The following SEMA6D variants were observed in gnomAD, a reference collection of about 807,000 sequenced individuals.
SEMA6D encodes the protein semaphorin 6D, also known as semaphorin-6D.
SEMA6D carries 35 observed loss-of-function variants against 106.6 expected under a neutral mutation model. That is an observed-to-expected ratio of 0.33 (90% CI 0.25 to 0.44). The LOEUF (loss-of-function observed/expected upper bound fraction) is 0.44, where lower values mean the gene tolerates loss of function less well. Ranked by LOEUF, SEMA6D falls within the 20% of genes least tolerant of loss-of-function variation. The pLI is 1.00. For missense variants in SEMA6D, 1,185 were observed against 1,345.9 expected (o/e 0.88, Z 1.87); for synonymous variants, 499 against 487.7 (o/e 1.02, Z -0.31).
intron 1 of SEMA6D, among the ~76,000 whole-genome samples, chr15:47,289,393 CAAAAAAAAAA>C (rs746946975): frequency 1.1e-4 from 5 of 46,544 alleles, no homozygotes; most frequent in East Asian, 5.7e-4. Flanking sequence ...AACTCCATCT[CAAAAAAAAAA>C]AAAAAAAAAA....
chr15:47,249,604 A>G (rs954964887), intron 1 of SEMA6D, among the ~76,000 whole-genome samples: 17 of 152,082 alleles, frequency 1.1e-4, no homozygotes, highest in African/African-American at 4.1e-4. Flanking sequence ...GCACAGGGGT[A>G]GGCTGTGGAC....
intron 1 of SEMA6D, among the ~76,000 whole-genome samples, chr15:47,322,535 T>C (rs1311654374): frequency 6.6e-6 from 1 of 152,190 alleles, no homozygotes; most frequent in Non-Finnish European, 1.5e-5. Flanking sequence ...GAAGTAATGT[T>C]GCAGTCTTCT....
At chr15:47,409,657 G>A (rs1047953619) in intron 1 of SEMA6D, among the ~76,000 whole-genome samples, 34 of 152,102 alleles carry the variant, frequency 2.2e-4, no homozygotes, top group African/African-American at 7.2e-4. Flanking sequence ...TTTCATAGAT[G>A]AGAAAACTGA....
chr15:47,485,446 G>C (rs188334138), intron 3 of SEMA6D, among the ~76,000 whole-genome samples: 1 of 151,920 alleles, frequency 6.6e-6, no homozygotes, highest in Non-Finnish European at 1.5e-5. Flanking sequence ...AAAAAATGAA[G>C]ATCACCAGGA....
chr15:47,364,315 A>T (rs1376026856), intron 1 of SEMA6D, among the ~76,000 whole-genome samples: 1 of 152,222 alleles, frequency 6.6e-6, no homozygotes, highest in Non-Finnish European at 1.5e-5. Context: ...CATGAGCAGC[A>T]GGAGCTCAGC....
intron 1 of SEMA6D, among the ~76,000 whole-genome samples, chr15:47,356,316 G>C (rs1374956407): frequency 6.6e-6 from 1 of 152,172 alleles, no homozygotes; most frequent in African/African-American, 2.4e-5. Flanking sequence ...GAGCTCTCCT[G>C]TCTCCAGAAA....
intron 2 of SEMA6D, among the ~76,000 whole-genome samples, chr15:47,437,817 C>T (rs1424694432): frequency 2.0e-5 from 3 of 152,090 alleles, no homozygotes; most frequent in Non-Finnish European, 4.4e-5. Context: ...CTCTCTCTCT[C>T]ATGTTTGTCT....
chr15:47,584,273 A>C (rs1268887968), intron 3 of SEMA6D, among the ~76,000 whole-genome samples: 2 of 152,186 alleles, frequency 1.3e-5, no homozygotes, highest in East Asian at 3.9e-4. Flanking sequence ...AAATGCAAAA[A>C]TTAGCCAGGC....
chr15:47,563,344 C>T (rs1234740412), intron 3 of SEMA6D, among the ~76,000 whole-genome samples: 3 of 152,106 alleles, frequency 2.0e-5, no homozygotes, highest in Non-Finnish European at 4.4e-5. Flanking sequence ...TTCAAGAAAA[C>T]AATTTGAAGA....
chr15:47,273,555 T>A (rs2034659113), intron 1 of SEMA6D, among the ~76,000 whole-genome samples: 1 of 152,196 alleles, frequency 6.6e-6, no homozygotes, highest in Non-Finnish European at 1.5e-5. Flanking sequence ...ATTTGTTCAT[T>A]TTTTGCAGTC....
intron 1 of SEMA6D, among the ~76,000 whole-genome samples, chr15:47,376,537 C>T (rs374693139): frequency 9.9e-5 from 15 of 152,282 alleles, no homozygotes; most frequent in Non-Finnish European, 1.9e-4. Context: ...GCACTAGTGT[C>T]GCCTAAAATT....
chr15:47,496,045 A>G (rs998009458), intron 3 of SEMA6D, among the ~76,000 whole-genome samples: 5 of 152,110 alleles, frequency 3.3e-5, no homozygotes, highest in African/African-American at 1.2e-4. Context: ...TATTCACTAG[A>G]AATAGAGTAT....
intron 1 of SEMA6D, among the ~76,000 whole-genome samples, chr15:47,278,795 G>A (rs1489516236): frequency 2.0e-5 from 3 of 148,136 alleles, no homozygotes; most frequent in South Asian, 2.2e-4. Context: ...TTTGTATAAG[G>A]TGTAAGGAAG....
At chr15:47,697,322 C>T (rs1436566182) in intron 4 of SEMA6D, among the ~76,000 whole-genome samples, 2 of 152,104 alleles carry the variant, frequency 1.3e-5, no homozygotes, top group Admixed American at 6.6e-5. Context: ...GGAATTCTGG[C>T]GTTTAATAAT....
chr15:47,528,651 C>A (rs181574624), intron 3 of SEMA6D, among the ~76,000 whole-genome samples: 1 of 152,154 alleles, frequency 6.6e-6, no homozygotes, highest in African/African-American at 2.4e-5. Flanking sequence ...AAAGGAAAGG[C>A]CCTCCTTTAA....
At chr15:47,241,281 G>A (rs1349951) in intron 1 of SEMA6D, 67,041 of 151,936 alleles carry the variant, frequency 0.44, 16,812 homozygotes, top group Non-Finnish European at 0.56. Context: ...TTGGGGCTTG[G>A]GAATCAGAGT....
chr15:47,594,534 A>G (rs918633053), intron 3 of SEMA6D, among the ~76,000 whole-genome samples: 2 of 152,186 alleles, frequency 1.3e-5, no homozygotes, highest in Non-Finnish European at 2.9e-5. Flanking sequence ...TAAAACAGCC[A>G]TTATTGGGTA....
intron 1 of SEMA6D, among the ~76,000 whole-genome samples, chr15:47,223,507 CT>C (rs561490696): frequency 6.6e-6 from 1 of 151,554 alleles, no homozygotes; most frequent in Non-Finnish European, 1.5e-5. Flanking sequence ...AGGATTTTTT[CT>C]TTTTTTTATT....
intron 1 of SEMA6D, among the ~76,000 whole-genome samples, chr15:47,265,394 G>C (rs2034270415): frequency 6.6e-6 from 1 of 151,588 alleles, no homozygotes; most frequent in East Asian, 1.9e-4. Context: ...TTATATTTCA[G>C]TTATGGTACT....
Sources: allele counts gnomAD v4.1 joint callset (sites outside exome capture counted in the v4.1 genomes callset), GRCh38; gene constraint gnomAD v4.1.1; transcripts MANE v1.5; gene names NCBI Gene and HGNC (gene_info 2026-07-23, HGNC 2026-07-21).